TRIQK: variants seen among roughly 807,000 people sequenced by gnomAD.
The protein encoded by TRIQK is triple QxxK/R motif containing, also known as triple QxxK/R motif-containing protein.
A neutral mutation model predicts 10.8 loss-of-function variants in TRIQK; 10 were observed. The observed-to-expected ratio is 0.92, with a 90% CI of 0.57 to 1.57. TRIQK has a LOEUF of 1.57. TRIQK is among the 40% of genes most tolerant of loss of function. TRIQK has a pLI of 0.00. For missense variants in TRIQK, 107 were observed against 97.7 expected, an observed-to-expected ratio of 1.09 and a Z score of -0.40; for synonymous variants, 33 against 33.7, an observed-to-expected ratio of 0.98 and a Z score of 0.07.
At chr8:92,971,032 G>T (rs1188412952), upstream of TRIQK, among the ~76,000 whole-genome samples, 2 of 152,092 alleles carry the variant, frequency 1.3e-5, no homozygotes, top group Admixed American at 6.6e-5. Flanking sequence ...AGTTTTTCCA[G>T]CGCTGTTTAT....
chr8:92,940,325 T>C (rs1312196932), intron 2 of TRIQK, among the ~76,000 whole-genome samples: 2 of 108,476 alleles, frequency 1.8e-5, no homozygotes, highest in African/African-American at 6.4e-5. Flanking sequence ...AGTTGCTGAA[T>C]AGATTTAATA....
At chr8:92,988,369 G>A (rs550186082) in intron 1 of TRIQK, among the ~76,000 whole-genome samples, 29 of 152,014 alleles carry the variant, frequency 1.9e-4, no homozygotes, top group Non-Finnish European at 2.6e-4. Flanking sequence ...ATTTATTGTC[G>A]AAAAAGGATG....
chr8:92,989,878 G>A (rs115889457), intron 1 of TRIQK, among the ~76,000 whole-genome samples: 194 of 151,848 alleles, frequency 1.3e-3, no homozygotes, highest in African/African-American at 4.4e-3. Context: ...ATTTGACTAC[G>A]TAAAAGATTT....
chr8:92,905,174 T>C (rs537771762), intron 3 of TRIQK, among the ~76,000 whole-genome samples: 1 of 152,068 alleles, frequency 6.6e-6, no homozygotes, highest in East Asian at 1.9e-4. Flanking sequence ...CTGAGAATAA[T>C]TTATAACTGT....
At chr8:92,978,928 TG>T (rs1438362905) in intron 1 of TRIQK, among the ~76,000 whole-genome samples, 2 of 152,058 alleles carry the variant, frequency 1.3e-5, no homozygotes, top group East Asian at 3.9e-4. Context: ...CTGCTACTAG[TG>T]GAAATACAGC....
rs895671090 is a variant in TRIQK at position 92,953,210 on chromosome 8, C to T, written c.-22+1196G>A. On this transcript the variant is annotated intron_variant, in intron 2 of 4. Coordinates refer to ENST00000521988, the MANE Select transcript of TRIQK (RefSeq NM_001171797.2). ...TCCATTTCCTTTGTAAACTATACTC[C>T]TGAAGGTAGGAACTGTTAATGCCTA... Among the ~76,000 whole-genome samples, 55 of 152,064 alleles carry T rather than the reference C, an allele frequency of 3.6e-4. 1 individual carries two copies. The highest frequency in any genetic ancestry group is 9.4e-4 in the African/African-American group (39 of 41,518).
chr8:92,995,975 G>A (rs919838161), intron 1 of TRIQK, among the ~76,000 whole-genome samples: 1 of 152,068 alleles, frequency 6.6e-6, no homozygotes, highest in Non-Finnish European at 1.5e-5. Flanking sequence ...GTGAGAAAGT[G>A]ATATGTAACT....
intron 1 of TRIQK, among the ~76,000 whole-genome samples, chr8:93,009,336 G>A (rs533671889): frequency 6.6e-6 from 1 of 152,326 alleles, no homozygotes; most frequent in South Asian, 2.1e-4. Flanking sequence ...GAGGCCGGGT[G>A]CAGTGGCTCA....
chr8:92,944,530 A>G (rs1013747410), intron 2 of TRIQK, among the ~76,000 whole-genome samples: 1 of 152,298 alleles, frequency 6.6e-6, no homozygotes, highest in African/African-American at 2.4e-5. Flanking sequence ...ATCCAGCCAT[A>G]AAAAAGAATG....
upstream of TRIQK, among the ~76,000 whole-genome samples, chr8:92,971,063 C>T (rs1292857650): frequency 6.6e-6 from 1 of 152,070 alleles, no homozygotes; most frequent in Non-Finnish European, 1.5e-5. Context: ...ATCCTTTCCC[C>T]ATTGCTTGTT....
chr8:92,904,583 A>G (rs1809150404), intron 3 of TRIQK, among the ~76,000 whole-genome samples: 1 of 152,136 alleles, frequency 6.6e-6, no homozygotes, highest in African/African-American at 2.4e-5. Context: ...AACCAAGCCA[A>G]TGCATTTTTC....
chr8:92,934,950 A>G (rs1026510683), intron 2 of TRIQK, among the ~76,000 whole-genome samples: 4 of 151,866 alleles, frequency 2.6e-5, no homozygotes, highest in Non-Finnish European at 5.9e-5. Context: ...ATAGTACAAT[A>G]CGAAAAAGCA....
chr8:92,974,235 T>C (rs1411949822), intron 1 of TRIQK: 1 of 152,418 alleles, frequency 6.6e-6, no homozygotes, highest in African/African-American at 2.4e-5. Flanking sequence ...CTGGACATCC[T>C]GGACTATGGG....
intron 1 of TRIQK, among the ~76,000 whole-genome samples, chr8:93,002,443 A>C (rs1813223159): frequency 6.6e-6 from 1 of 152,082 alleles, no homozygotes; most frequent in African/African-American, 2.4e-5. Flanking sequence ...ATATCACAGA[A>C]ATATGAAGGA....
Position 92,966,009 on chromosome 8 carries a change from C to T in TRIQK, c.-183G>A, listed in dbSNP as rs1349794115. 6.5e-6 allele frequency: 1 copy of T among 152,742 alleles called. No individual in the cohort carries two copies. Among genetic ancestry groups the T allele is most frequent in the Non-Finnish European group, 1.5e-5 (1 of 68,438 alleles). 9.5% of individuals were successfully genotyped at this position (152,742 alleles called of 1,614,324 possible). On this transcript the variant is annotated splice_region_variant and 5_prime_UTR_variant, in exon 1 of 5. Transcript: ENST00000521988. The stretch of plus-strand genomic sequence containing the variant: ...CCTCGCACTCGCCGGACACACACCT[C>T]AGCTCTGCCAAGGCAAGGGCCGACA...
chr8:92,886,527 G>A lies in TRIQK; in HGVS notation c.*95C>T. On this transcript the variant is annotated 3_prime_UTR_variant, in exon 5 of 5. Coordinates refer to ENST00000521988, the MANE Select transcript of TRIQK (RefSeq NM_001171797.2). The stretch of plus-strand genomic sequence containing the variant: ...TGCAAACTGAAAATATTAGCAGAAA[G>A]AATTAAAGATGTTACAGTTTCAGTA... The A allele has an allele frequency of 2.9e-6, 2 of 684,238 alleles. No individual in the cohort carries two copies. Among genetic ancestry groups the A allele is most frequent in the East Asian group, 2.8e-5 (1 of 35,322 alleles). 42.4% of individuals were successfully genotyped at this position (684,238 alleles called of 1,614,324 possible).
At chr8:92,924,284 C>A (rs1446413955) in intron 2 of TRIQK, among the ~76,000 whole-genome samples, 2 of 151,906 alleles carry the variant, frequency 1.3e-5, no homozygotes, top group Non-Finnish European at 2.9e-5. Context: ...GTTGTTCATT[C>A]ACTTAACATA....
chr8:92,909,556 C>T (rs1045961558), intron 3 of TRIQK, among the ~76,000 whole-genome samples: 1 of 151,716 alleles, frequency 6.6e-6, no homozygotes, highest in African/African-American at 2.4e-5. Flanking sequence ...TTTTTCAATG[C>T]TTGGACATAA....
chr8:92,946,958 G>T (rs1315977209), intron 2 of TRIQK, among the ~76,000 whole-genome samples: 17 of 151,094 alleles, frequency 1.1e-4, no homozygotes, highest in African/African-American at 4.1e-4. Context: ...GTAGAGATGG[G>T]GTTTCACCGT....
Sources: allele counts gnomAD v4.1 joint callset (sites outside exome capture counted in the v4.1 genomes callset), GRCh38; gene constraint gnomAD v4.1.1; transcripts MANE v1.5; gene names NCBI Gene and HGNC (gene_info 2026-07-23, HGNC 2026-07-21).